Variants in IL17RA observed in about 807,000 individuals in gnomAD.
IL17RA encodes interleukin 17 receptor A, also known as interleukin-17 receptor A.
A neutral mutation model predicts 50.4 loss-of-function variants in IL17RA; 34 were observed. The observed-to-expected ratio is 0.67, with a 90% CI of 0.51 to 0.90. The LOEUF (loss-of-function observed/expected upper bound fraction) is 0.90, where lower values mean the gene tolerates loss of function less well. IL17RA is among the 40% of genes least tolerant of loss of function. The pLI is 0.00. For missense variants in IL17RA, 1,276 were observed against 1,169.8 expected, an observed-to-expected ratio of 1.09 and a Z score of -1.32; for synonymous variants, 585 against 510.4, an observed-to-expected ratio of 1.15 and a Z score of -1.97.
intron 2 of IL17RA, 84 bp downstream of exon 2, chr22:17,097,170 C>A: frequency 7.6e-7 from 1 of 1,311,028 alleles, no homozygotes; most frequent in Non-Finnish European, 1.1e-6. Context: ...GAAGTCTTGC[C>A]ATGCCACTCC....
Position 17,102,054 on chromosome 22 carries a change from G to A in IL17RA, c.598+11G>A, listed in dbSNP as rs1194375210. On this transcript the variant is annotated intron_variant, in intron 6 of 12. Coordinates refer to ENST00000319363, the MANE Select transcript of IL17RA (RefSeq NM_014339.7). Reference sequence around the variant, plus strand: ...CATGCATGAGCTCAGGTAACAGCTGGCCCGGGAGAGCTTTATTTGGATGCA... The same window carrying A: ...CATGCATGAGCTCAGGTAACAGCTGACCCGGGAGAGCTTTATTTGGATGCA... 6.2e-7 allele frequency: 1 copy of A among 1,614,202 alleles called. No homozygotes were observed.
Position 17,109,013 on chromosome 22 carries a change from C to G in IL17RA, c.1794C>G (p.Ala598=). 6.3e-7 allele frequency: 1 copy of G among 1,599,412 alleles called. No individual in the cohort carries two copies. Reference sequence around the variant, plus strand: ...TCTACTCAGCAGATGACCAGGATGCCCCGTCCCTGGACGAAGAGGTGTTTG... The same window carrying G: ...TCTACTCAGCAGATGACCAGGATGCGCCGTCCCTGGACGAAGAGGTGTTTG... ...ENLYSADDQD[A]PSLDEEVFEE... is the part of the protein sequence containing the mutation. The change falls in exon 13 of 13, where the codon GCC becomes GCG. Residue 598 remains alanine (A), a synonymous_variant. Coordinates refer to ENST00000319363, the MANE Select transcript of IL17RA (RefSeq NM_014339.7).
At chr22:17,090,278 C>T (rs1468010145) in intron 1 of IL17RA, among the ~76,000 whole-genome samples, 2 of 152,166 alleles carry the variant, frequency 1.3e-5, no homozygotes, top group Non-Finnish European at 2.9e-5. Context: ...CCTGCCTCGG[C>T]CTCCCAAAGT....
chr22:17,098,707 A>C, intron 3 of IL17RA, 68 bp from the exon 4 acceptor site: 1 of 1,238,400 alleles, frequency 8.1e-7, no homozygotes, highest in Non-Finnish European at 1.2e-6. Flanking sequence ...CAGATAGGGA[A>C]GTGACACACC....
Position 17,113,227 on chromosome 22 carries a change from C to G in IL17RA, c.*3407C>G, listed in dbSNP as rs1015295063. ...TTTGTTTGTTTTTAAGTCAGGGTCT[C>G]TCTGTCACCAGGCTGTATTACAGTG... On this transcript the variant is annotated 3_prime_UTR_variant, in exon 13 of 13. Coordinates refer to ENST00000319363, the MANE Select transcript of IL17RA (RefSeq NM_014339.7). 6.6e-6 allele frequency: 1 copy of G among 152,180 alleles called. No homozygotes were observed. Among genetic ancestry groups the G allele is most frequent in the African/African-American group, 2.4e-5 (1 of 41,426 alleles). 9.4% of individuals were successfully genotyped at this position (152,180 alleles called of 1,614,324 possible).
In IL17RA at chr22:17,109,483, T is replaced by C. The variant is rs574409116; in HGVS notation, c.2264T>C (p.Leu755Pro). The part of the protein sequence containing the change: ...REHLEGLMLS[L>P]FEQSLSCQAQ... ...CACCTCGAAGGCTTGATGCTCTCGC[T>C]CTTCGAGCAGAGTCTGAGCTGCCAG... is the stretch of plus-strand genomic sequence containing the variant. The change falls in exon 13 of 13, where the codon CTC becomes CCC. Residue 755 changes from leucine (L) to proline (P), a missense_variant. Leu to Pro is a moderately conservative substitution (Grantham distance 98). Coordinates refer to ENST00000319363, the MANE Select transcript of IL17RA (RefSeq NM_014339.7). 472 of 1,611,022 alleles carry C rather than the reference T, an allele frequency of 2.9e-4. 4 individuals are homozygous for C. In the South Asian group the frequency reaches 3.0e-3, roughly 10 times the overall value.
At position 17,085,202 on chromosome 22, in the gene IL17RA, C is replaced by T; in HGVS notation, c.111C>T (p.Asp37=). The change falls in exon 1 of 13, where the codon GAC becomes GAT. Residue 37 remains aspartate (D), a synonymous_variant. Transcript: ENST00000319363. ...APGGASLRLL[D]HRALVCSQPG... is the part of the protein sequence containing the mutation. ...GTGGCGCCTCCCTGCGACTCCTGGA[C>T]CACCGGGCGCTGGTCTGCTCCCAGC... is the stretch of plus-strand genomic sequence containing the variant. The T allele has an allele frequency of 2.0e-6, 3 of 1,532,234 alleles. No homozygotes were observed. The allele number at this position is 1,532,234 out of a possible 1,614,324, so 94.9% of individuals were successfully genotyped here.
chr22:17,096,913 G>T, intron 1 of IL17RA, 149 bp from the exon 2 acceptor site: 1 of 749,184 alleles, frequency 1.3e-6, no homozygotes. Flanking sequence ...CCATCCCCTG[G>T]ACTCACTCCT....
At chr22:17,102,530 C>T (rs1009363688) in intron 7 of IL17RA, among the ~76,000 whole-genome samples, 5 of 152,022 alleles carry the variant, frequency 3.3e-5, no homozygotes, top group African/African-American at 4.8e-5. Context: ...CCTTTTTGTT[C>T]TTTCCTCCCC....
chr22:17,101,783 C>G (rs1212500282), intron 5 of IL17RA, among the ~76,000 whole-genome samples: 3 of 152,224 alleles, frequency 2.0e-5, no homozygotes, highest in Non-Finnish European at 4.4e-5. Context: ...GAGGAATGCA[C>G]TTGCATCAGG....
At chr22:17,094,652 ACACACTCTCTCTCTCTCTCTCTCTCTCT>A (rs2061359425) in intron 1 of IL17RA, among the ~76,000 whole-genome samples, 14 of 17,756 alleles carry the variant, frequency 7.9e-4, no homozygotes, top group South Asian at 1.9e-3. Flanking sequence ...TTAGTCATAC[ACACACTCTCTCTCTCTCTCTCTCTCTCT>A]CTCTCTCTCT....
At position 17,110,015 on chromosome 22, in the gene IL17RA, C is replaced by A; in HGVS notation, c.*195C>A. 1.6e-6 allele frequency: 1 copy of A among 626,322 alleles called. No individual in the cohort carries two copies. Among genetic ancestry groups the A allele is most frequent in the South Asian group, 2.0e-5 (1 of 50,910 alleles). 38.8% of individuals were successfully genotyped at this position (626,322 alleles called of 1,614,324 possible). ...GTGCAGCGGTCTGGTTATCGTCTAT[C>A]CCCAGGGGAATCCACACAGCCCGCT... On this transcript the variant is annotated 3_prime_UTR_variant, in exon 13 of 13. Coordinates refer to ENST00000319363, the MANE Select transcript of IL17RA (RefSeq NM_014339.7).
intron 1 of IL17RA, 70 bp downstream of exon 1, chr22:17,085,299 G>T: frequency 6.6e-7 from 1 of 1,524,652 alleles, no homozygotes; most frequent in Non-Finnish European, 8.8e-7. Context: ...CGGAGGGCCG[G>T]ACGGTCGGGA....
At position 17,108,627 on chromosome 22, in the gene IL17RA, G is replaced by T; in HGVS notation, c.1408G>T (p.Asp470Tyr). The change falls in exon 13 of 13, where the codon GAC becomes TAC. Residue 470 changes from aspartate to tyrosine, a missense_variant. By Grantham distance (160) the Asp-to-Tyr change is radical (BLOSUM62 -3). Transcript: ENST00000319363. ...GRGAPVRLRC[D>Y]HGKPVGDLFT... ...GGGGGCGCCTGTGCGGCTGCGCTGC[G>T]ACCACGGAAAGCCCGTGGGGGACCT... 2 of 1,605,166 alleles carry T rather than the reference G, an allele frequency of 1.2e-6. No individual in the cohort carries two copies. The highest frequency in any genetic ancestry group is 1.1e-5 in the South Asian group (1 of 91,052).
At chr22:17,099,456 C>T (rs544903433) in intron 4 of IL17RA, among the ~76,000 whole-genome samples, 10 of 152,216 alleles carry the variant, frequency 6.6e-5, no homozygotes, top group South Asian at 2.1e-4. Context: ...CACCTGGGAA[C>T]GTGGTAGAGA....
At position 17,115,603 on chromosome 22, in the gene IL17RA, CTG is replaced by C. The variant is rs942815472; in HGVS notation, c.*5789_*5790del. ...CTGTGCTAAGAAAAAAAAAAAATCACTGTGTGTTTGTTTATTTTGGTGCAGGC... is the reference window on the plus strand; with the variant it reads ...CTGTGCTAAGAAAAAAAAAAAATCACTGTGTTTGTTTATTTTGGTGCAGGC... On this transcript the variant is annotated 3_prime_UTR_variant, in exon 13 of 13. Transcript: ENST00000319363. 2.7e-5 allele frequency: 4 copies of C among 149,706 alleles called. No individual in the cohort carries two copies. Among genetic ancestry groups the C allele is most frequent in the Admixed American group, 6.6e-5 (1 of 15,092 alleles). The allele number at this position is 149,706 out of a possible 1,614,324, so 9.3% of individuals were successfully genotyped here. A position where few individuals can be genotyped will look rare whatever the true frequency, so the allele number is the denominator to read the frequency against.
rs1441349499 is a variant in IL17RA, at chr22:17,109,848, C to T, written c.*28C>T. The T allele has an allele frequency of 7.8e-6, 12 of 1,543,340 alleles. No individual in the cohort carries two copies. Among genetic ancestry groups the T allele is most frequent in the Non-Finnish European group, 1.0e-5 (12 of 1,143,580 alleles). On this transcript the variant is annotated 3_prime_UTR_variant, in exon 13 of 13. Coordinates refer to ENST00000319363, the MANE Select transcript of IL17RA (RefSeq NM_014339.7). ...GCGGCTCCCCAGGGACCGCCCAGAT[C>T]CCAGCTTTGAGAGAGGAGTGTGTGT... is the stretch of plus-strand genomic sequence containing the variant.
chr22:17,102,253 C>G lies in IL17RA; in HGVS notation c.713C>G (p.Pro238Arg), dbSNP rs755272262. The change falls in exon 7 of 13, where the codon CCG (proline) becomes CGG (arginine). Residue 238 changes from proline (P) to arginine (R), a missense_variant. Coordinates refer to ENST00000319363, the MANE Select transcript of IL17RA (RefSeq NM_014339.7). The stretch of plus-strand genomic sequence containing the variant: ...TACCAGATCCTGCTGACCAGTTTTC[C>G]GCACATGGAGAACCACAGTTGCTTT... ...THYQILLTSF[P>R]HMENHSCFEH... 1 of 1,614,186 alleles carries G rather than the reference C, an allele frequency of 6.2e-7. No homozygotes were observed.
At chr22:17,103,227 A>G (rs1601345033) in intron 7 of IL17RA, among the ~76,000 whole-genome samples, 2 of 152,242 alleles carry the variant, frequency 1.3e-5, no homozygotes, top group South Asian at 2.1e-4. Flanking sequence ...ACTGGTGTCC[A>G]TGAACACAGA....
Sources: allele counts gnomAD v4.1 joint callset (sites outside exome capture counted in the v4.1 genomes callset), GRCh38; gene constraint gnomAD v4.1.1; transcripts MANE v1.5; gene names NCBI Gene and HGNC (gene_info 2026-07-23, HGNC 2026-07-21).